Variants in NEGR1 observed in about 807,000 individuals in gnomAD.
NEGR1 encodes neuronal growth regulator 1.
A neutral mutation model predicts 40.9 loss-of-function variants in NEGR1; 10 were observed. The ratio of observed to expected loss-of-function variants is 0.24; its 90% CI spans 0.15 to 0.42. The LOEUF (loss-of-function observed/expected upper bound fraction) is 0.42, where lower values mean the gene tolerates loss of function less well. Ranked by LOEUF, NEGR1 falls within the 10% of genes least tolerant of loss-of-function variation. The pLI, the probability that NEGR1 is intolerant of heterozygous loss-of-function variation, is 1.00. For missense variants in NEGR1, 352 were observed against 438.9 expected, an observed-to-expected ratio of 0.80 and a Z score of 1.77; for synonymous variants, 185 against 166.8, an observed-to-expected ratio of 1.11 and a Z score of -0.84.
chr1:72,014,418 T>G (rs977642014), intron 1 of NEGR1, among the ~76,000 whole-genome samples: 1 of 151,974 alleles, frequency 6.6e-6, no homozygotes, highest in Non-Finnish European at 1.5e-5. Flanking sequence ...TACAAGGAAT[T>G]TCTGTTTTTA....
intron 1 of NEGR1, among the ~76,000 whole-genome samples, chr1:72,260,316 A>G (rs995579131): frequency 2.0e-5 from 3 of 152,070 alleles, no homozygotes; most frequent in African/African-American, 7.2e-5. Context: ...CTCTATTGAT[A>G]AGCCCAATTT....
chr1:71,996,088 G>T (rs888546192), intron 1 of NEGR1, among the ~76,000 whole-genome samples: 2 of 151,982 alleles, frequency 1.3e-5, no homozygotes, highest in African/African-American at 4.8e-5. Context: ...ACTTCCTGGA[G>T]AAAAAAGTAT....
intron 5 of NEGR1, among the ~76,000 whole-genome samples, chr1:71,604,716 T>A (rs1321112660): frequency 6.6e-6 from 1 of 152,208 alleles, no homozygotes; most frequent in Non-Finnish European, 1.5e-5. Context: ...GGTATTTTCC[T>A]ATGCATTCAT....
chr1:71,523,250 GGTT>G (rs962491484), intron 6 of NEGR1, among the ~76,000 whole-genome samples: 1 of 151,398 alleles, frequency 6.6e-6, no homozygotes, highest in African/African-American at 2.4e-5. Context: ...GAGGATGTTG[GGTT>G]GTTGTGAGGA....
At chr1:72,025,392 TG>T (rs1646798240) in intron 1 of NEGR1, among the ~76,000 whole-genome samples, 1 of 152,158 alleles carries the variant, frequency 6.6e-6, no homozygotes, top group Admixed American at 6.5e-5. Flanking sequence ...TTTATAAAAA[TG>T]GGCAATTTTA....
chr1:71,770,421 C>A (rs1165153397), intron 3 of NEGR1, among the ~76,000 whole-genome samples: 1 of 152,084 alleles, frequency 6.6e-6, no homozygotes, highest in Non-Finnish European at 1.5e-5. Flanking sequence ...CAGGAAGTAG[C>A]CTAGACTTCT....
intron 6 of NEGR1, among the ~76,000 whole-genome samples, chr1:71,420,438 C>G (rs1245021968): frequency 6.6e-6 from 1 of 151,862 alleles, no homozygotes; most frequent in African/African-American, 2.4e-5. Context: ...CTCATACATA[C>G]ACAAAGATGA....
At chr1:72,201,785 A>G (rs921103367) in intron 1 of NEGR1, among the ~76,000 whole-genome samples, 2 of 151,970 alleles carry the variant, frequency 1.3e-5, no homozygotes, top group African/African-American at 4.8e-5. Flanking sequence ...TGAAACATGT[A>G]ATTTTAGTAA....
At chr1:71,937,764 T>C (rs1320955177) in intron 1 of NEGR1, among the ~76,000 whole-genome samples, 1 of 152,180 alleles carries the variant, frequency 6.6e-6, no homozygotes, top group Non-Finnish European at 1.5e-5. Context: ...ACCAACTGCT[T>C]AACCTGTCCT....
chr1:72,165,810 A>G (rs914768615), intron 1 of NEGR1, among the ~76,000 whole-genome samples: 1 of 152,048 alleles, frequency 6.6e-6, no homozygotes, highest in African/African-American at 2.4e-5. Flanking sequence ...TTTAAGTGCT[A>G]CTAGTTTAGG....
At chr1:72,163,194 C>T (rs1038930991) in intron 1 of NEGR1, among the ~76,000 whole-genome samples, 1 of 152,160 alleles carries the variant, frequency 6.6e-6, no homozygotes, top group East Asian at 1.9e-4. Context: ...TTTAATTATG[C>T]TATTTAGTTT....
chr1:71,498,382 G>A (rs1646978506), intron 6 of NEGR1, among the ~76,000 whole-genome samples: 2 of 151,808 alleles, frequency 1.3e-5, no homozygotes, highest in Admixed American at 6.6e-5. Flanking sequence ...GAAAAGCCGG[G>A]TTTCCAATTA....
At chr1:71,928,428 G>T (rs979630082) in intron 2 of NEGR1, among the ~76,000 whole-genome samples, 3 of 81,236 alleles carry the variant, frequency 3.7e-5, no homozygotes, top group African/African-American at 4.9e-5. Flanking sequence ...ACACACATAT[G>T]TATATATACA....
chr1:71,944,609 C>T (rs1646000558), intron 1 of NEGR1, among the ~76,000 whole-genome samples: 1 of 152,126 alleles, frequency 6.6e-6, no homozygotes, highest in African/African-American at 2.4e-5. Flanking sequence ...GTTCTAAATT[C>T]ATGTTTTGTA....
At chr1:71,448,233 G>GA (rs11413345) in intron 6 of NEGR1, among the ~76,000 whole-genome samples, 104,738 of 146,544 alleles carry the variant, frequency 0.71, 37,716 homozygotes, top group Non-Finnish European at 0.77. Flanking sequence ...TTCTCTGAGA[G>GA]AAAAAAAAAA....
At position 71,948,896 on chromosome 1, in the gene NEGR1, T is replaced by C. The variant is rs1646044571; in HGVS notation, c.177-13585A>G. Among the ~76,000 whole-genome samples, 3 of 152,216 alleles carry C rather than the reference T, an allele frequency of 2.0e-5. No individual in the cohort carries two copies. In the South Asian group the frequency reaches 6.2e-4, roughly 32 times the overall value. On this transcript the variant is annotated intron_variant, in intron 1 of 6. Coordinates refer to ENST00000357731, the MANE Select transcript of NEGR1 (RefSeq NM_173808.3). The stretch of plus-strand genomic sequence containing the variant: ...GCATATTTTTCGAGCCCCATGACTA[T>C]CATCTCTCAAGGTCAGAATTTTGTG...
intron 4 of NEGR1, among the ~76,000 whole-genome samples, chr1:71,662,353 C>A (rs1652088314): frequency 6.6e-6 from 1 of 152,132 alleles, no homozygotes; most frequent in African/African-American, 2.4e-5. Context: ...TTAGTGGCAT[C>A]TAAAGGAATT....
chr1:71,729,896 T>C (rs868031264), intron 3 of NEGR1, among the ~76,000 whole-genome samples: 2 of 151,570 alleles, frequency 1.3e-5, no homozygotes, highest in East Asian at 3.9e-4. Context: ...CCCAGCCTAG[T>C]TGAATAGTTT....
intron 3 of NEGR1, among the ~76,000 whole-genome samples, chr1:71,763,776 T>C (rs1375283220): frequency 6.6e-6 from 1 of 151,858 alleles, no homozygotes; most frequent in Non-Finnish European, 1.5e-5. Flanking sequence ...TGTGTGTCTG[T>C]GTGTGTGTGT....
Sources: allele counts gnomAD v4.1 joint callset (sites outside exome capture counted in the v4.1 genomes callset), GRCh38; gene constraint gnomAD v4.1.1; transcripts MANE v1.5; gene names NCBI Gene and HGNC (gene_info 2026-07-23, HGNC 2026-07-21).